The following COL12A1 variants were observed in gnomAD, a reference collection of about 807,000 sequenced individuals.
COL12A1 encodes collagen type XII alpha 1 chain, also known as collagen alpha-1(XII) chain.
Under a neutral mutation model 349.7 loss-of-function variants are expected in COL12A1, and 114 were observed. The observed-to-expected ratio is 0.33, with a 90% CI of 0.28 to 0.38. COL12A1 has a LOEUF of 0.38. Ranked by LOEUF, COL12A1 falls within the 10% of genes least tolerant of loss-of-function variation. The pLI is 1.00. For synonymous variants in COL12A1, 1,369 were observed against 1,329.0 expected (o/e 1.03, Z -0.66); for missense variants, 3,284 against 3,756.9 (o/e 0.87, Z 3.29).
intron 13 of COL12A1, among the ~76,000 whole-genome samples, chr6:75,166,449 C>G (rs577491109): frequency 6.6e-6 from 1 of 152,300 alleles, no homozygotes; most frequent in East Asian, 1.9e-4. Flanking sequence ...CTTGTTCTAG[C>G]TGATCAAAAA....
intron 44 of COL12A1, among the ~76,000 whole-genome samples, chr6:75,120,365 G>A (rs1048663845): frequency 2.6e-5 from 4 of 152,136 alleles, no homozygotes; most frequent in African/African-American, 7.2e-5. Flanking sequence ...TGATGAAATT[G>A]TTTGTGGTTT....
rs1375772825 is a variant in COL12A1, at chr6:75,125,366, T to A, written c.6461-93A>T. On this transcript the variant is annotated intron_variant, in intron 39 of 65. Coordinates refer to ENST00000322507, the MANE Select transcript of COL12A1 (RefSeq NM_004370.6). ...AAGATCTTATAGTCAAAGGGTATTA[T>A]GAACACGATTAATTCCATAGTCCTC... 6 of 1,208,410 alleles carry A rather than the reference T, an allele frequency of 5.0e-6. No individual in the cohort carries two copies. The African/African-American group carries it at 9.2e-5, about 19-fold the overall frequency. 74.9% of individuals were successfully genotyped at this position (1,208,410 alleles called of 1,614,324 possible).
intron 13 of COL12A1, 93 bp from the exon 14 acceptor site, chr6:75,165,872 C>G: frequency 3.2e-6 from 4 of 1,252,824 alleles, no homozygotes; most frequent in Non-Finnish European, 4.4e-6. Flanking sequence ...TTCTGACTTG[C>G]TGGACTCACA....
chr6:75,133,764 C>G (rs1277764947), intron 33 of COL12A1, 94 bp downstream of exon 33: 2 of 1,447,294 alleles, frequency 1.4e-6, no homozygotes, highest in Non-Finnish European at 1.9e-6. Flanking sequence ...TTCTTCAGCT[C>G]TAAAGCAAAC....
chr6:75,106,759 C>T (rs1432354273), intron 52 of COL12A1, among the ~76,000 whole-genome samples: 8 of 151,840 alleles, frequency 5.3e-5, no homozygotes, highest in Admixed American at 2.6e-4. Context: ...CATATGTCTA[C>T]GAGAAAGAGA....
chr6:75,183,467 A>G lies in COL12A1; in HGVS notation c.1474T>C (p.Phe492Leu). 6.2e-7 allele frequency: 1 copy of G among 1,614,106 alleles called. No homozygotes were observed. The highest frequency in any genetic ancestry group is 8.5e-7 in the Non-Finnish European group (1 of 1,180,010). Reference sequence around the variant, plus strand: ...ACTTTGGTGAATTTTTTCAAAGTGAACTCAGTATGAGGATCCCGGCTGTAT... The same window carrying G: ...ACTTTGGTGAATTTTTTCAAAGTGAGCTCAGTATGAGGATCCCGGCTGTAT... ...VQYSRDPHTE[F>L]TLKKFTKVED... The change falls in exon 10 of 66, where the codon TTC becomes CTC. Residue 492 changes from phenylalanine (F) to leucine (L), a missense_variant. Coordinates refer to ENST00000322507, the MANE Select transcript of COL12A1 (RefSeq NM_004370.6).
chr6:75,186,745 A>C (rs1029471046), intron 8 of COL12A1, among the ~76,000 whole-genome samples: 2 of 152,232 alleles, frequency 1.3e-5, no homozygotes, highest in African/African-American at 4.8e-5. Flanking sequence ...AGACTGGATA[A>C]GGAAAATGTG....
chr6:75,140,673 A>AAAAAAAAAAAAAAAAAAAAAAAAAAAAAC (rs1766848572), intron 27 of COL12A1, among the ~76,000 whole-genome samples: 1 of 151,516 alleles, frequency 6.6e-6, no homozygotes, highest in Admixed American at 6.6e-5. Context: ...AAAAAAAAAA[A>AAAAAAAAAAAAAAAAAAAAAAAAAAAAAC]AAAAAGCAGG....
intron 53 of COL12A1, among the ~76,000 whole-genome samples, chr6:75,105,959 A>T (rs1023309207): frequency 6.6e-6 from 1 of 152,182 alleles, no homozygotes; most frequent in Non-Finnish European, 1.5e-5. Context: ...GCTGGCCAAA[A>T]GCTTCAAATC....
intron 12 of COL12A1, among the ~76,000 whole-genome samples, chr6:75,176,248 A>G (rs1397051574): frequency 1.6e-4 from 22 of 139,000 alleles, no homozygotes; most frequent in African/African-American, 3.5e-4. Flanking sequence ...AGGGAGGGCA[A>G]TGGGCAGTGG....
intron 37 of COL12A1, 48 bp downstream of exon 37, chr6:75,130,043 A>G (rs1182372569): frequency 6.2e-7 from 1 of 1,600,810 alleles, no homozygotes; most frequent in African/African-American, 1.3e-5. Flanking sequence ...TTCACTGTCC[A>G]TTCAGCTAAG....
intron 13 of COL12A1, among the ~76,000 whole-genome samples, chr6:75,172,116 T>C (rs1295202686): frequency 1.3e-5 from 2 of 152,240 alleles, no homozygotes; most frequent in East Asian, 3.8e-4. Flanking sequence ...TTAGAGATTG[T>C]TTCTTATCAA....
At chr6:75,133,761 G>T (rs2149387838) in intron 33 of COL12A1, 97 bp downstream of exon 33, 1 of 1,388,626 alleles carries the variant, frequency 7.2e-7, no homozygotes, top group Non-Finnish European at 1.0e-6. Context: ...AAATTCTTCA[G>T]CTCTAAAGCA....
At chr6:75,120,719 C>T (rs1033740104) in intron 44 of COL12A1, among the ~76,000 whole-genome samples, 1 of 151,978 alleles carries the variant, frequency 6.6e-6, no homozygotes, top group African/African-American at 2.4e-5. Flanking sequence ...CTTTGAGGCC[C>T]CTCCCTCATG....
chr6:75,177,308 G>A (rs114178624), intron 12 of COL12A1, among the ~76,000 whole-genome samples: 1,816 of 152,042 alleles, frequency 0.012, 37 homozygotes, highest in African/African-American at 0.042. Flanking sequence ...GTAGTTGCAC[G>A]CGCCTGTAAT....
At chr6:75,159,196 G>A (rs917070338) in intron 14 of COL12A1, among the ~76,000 whole-genome samples, 1 of 151,192 alleles carries the variant, frequency 6.6e-6, no homozygotes, top group Non-Finnish European at 1.5e-5. Context: ...TTCAATATAT[G>A]GTTATGATGG....
chr6:75,130,769 C>A (rs1435534884), intron 36 of COL12A1, 83 bp downstream of exon 36: 9 of 1,557,566 alleles, frequency 5.8e-6, no homozygotes, highest in Non-Finnish European at 8.7e-7. Flanking sequence ...TCTCACCACC[C>A]CCCTCCCACC....
chr6:75,183,001 A>T, intron 10 of COL12A1, 49 bp downstream of exon 10: 2 of 1,530,070 alleles, frequency 1.3e-6, no homozygotes, highest in Non-Finnish European at 1.7e-6. Context: ...TTAGAACCAA[A>T]AATTCTTTGT....
chr6:75,138,783 A>G (rs1743009858), intron 28 of COL12A1, 39 bp downstream of exon 28: 4 of 1,610,950 alleles, frequency 2.5e-6, no homozygotes, highest in Non-Finnish European at 3.4e-6. Context: ...ATTAAATGGG[A>G]CATGAAAGAC....
Sources: gnomAD v4.1 joint callset for allele counts (sites outside exome capture counted in the v4.1 genomes callset) on GRCh38, gnomAD v4.1.1 for gene constraint, MANE v1.5 for transcripts, NCBI Gene and HGNC (gene_info 2026-07-23, HGNC 2026-07-21) for gene names.